Variants in ANKRD30B observed in about 807,000 individuals in gnomAD.
ANKRD30B encodes the protein ankyrin repeat domain-containing protein 30B.
Under a neutral mutation model 202.2 loss-of-function variants are expected in ANKRD30B, and 144 were observed. The observed-to-expected ratio is 0.71, with a 90% confidence interval of 0.62 to 0.82. The LOEUF is 0.82. Among genes scored for constraint, ANKRD30B ranks in the 40% least tolerant of loss-of-function variants. ANKRD30B has a pLI of 0.00. For synonymous variants in ANKRD30B, 508 were observed against 561.3 expected (o/e 0.91, Z 1.34); for missense variants, 1,487 against 1,669.1 (o/e 0.89, Z 1.90).
At chr18:14,910,488 T>C in the ANKRD30B span, among the ~76,000 whole-genome samples, 6 of 149,906 alleles carry the variant, frequency 4.0e-5, no homozygotes, top group Admixed American at 3.3e-4. Flanking sequence ...TGTAAAAATA[T>C]ATATATATAT....
intron 8 of ANKRD30B, 26 bp downstream of exon 8, chr18:14,769,399 G>A (rs756284677): frequency 3.9e-5 from 60 of 1,534,738 alleles, no homozygotes; most frequent in African/African-American, 2.2e-4. Context: ...TTTTTAAAAC[G>A]AATAGGTTAA....
At position 14,809,370 on chromosome 18, in the gene ANKRD30B, C is replaced by T. The variant is rs1475360352; in HGVS notation, c.2387-616C>T. Among the ~76,000 whole-genome samples the T allele has an allele frequency of 6.6e-5, 10 of 150,852 alleles. 1 individual carries two copies. Among genetic ancestry groups the T allele is most frequent in the Admixed American group, 2.0e-4 (3 of 15,208 alleles). ...AGATATTAATCAGCAGTAACAGTTG[C>T]AGCAAAAGCTGGTTAGAAACAATCC... On this transcript the variant is annotated intron_variant, in intron 26 of 43. Coordinates refer to ENST00000690538, the MANE Select transcript of ANKRD30B (RefSeq NM_001367607.2).
the ANKRD30B span, among the ~76,000 whole-genome samples, chr18:14,883,369 G>GTCTGTC: frequency 4.7e-5 from 4 of 84,624 alleles, no homozygotes; most frequent in African/African-American, 2.3e-4. Flanking sequence ...CTGTCTGTCT[G>GTCTGTC]TCTCTCTCTC....
At chr18:14,842,796 C>A in intron 37 of ANKRD30B, 101 bp from the exon 38 acceptor site, 1 of 1,179,760 alleles carries the variant, frequency 8.5e-7, no homozygotes, top group Non-Finnish European at 1.2e-6. Context: ...GAATCATTCT[C>A]AAAGCTGAGA....
intron 9 of ANKRD30B, 104 bp from the exon 10 acceptor site, chr18:14,777,881 G>A (rs1158047292): frequency 1.2e-5 from 9 of 722,738 alleles, no homozygotes; most frequent in Non-Finnish European, 1.9e-5. Flanking sequence ...AGACAGAGGT[G>A]GCAGTAGGCC....
At chr18:14,862,639 T>C in the ANKRD30B span, among the ~76,000 whole-genome samples, 3 of 152,200 alleles carry the variant, frequency 2.0e-5, no homozygotes, top group Non-Finnish European at 2.9e-5. Flanking sequence ...ACTGGGGCAC[T>C]ACCTACAGGA....
the ANKRD30B span, among the ~76,000 whole-genome samples, chr18:14,935,939 T>C: frequency 1.1e-4 from 16 of 152,336 alleles, no homozygotes; most frequent in African/African-American, 3.8e-4. Flanking sequence ...CCTTCAAACT[T>C]GCACTTAAGG....
chr18:14,852,092 C>A lies in ANKRD30B; in HGVS notation c.4148C>A (p.Ala1383Glu). The A allele has an allele frequency of 6.2e-7, 1 of 1,609,472 alleles. No individual in the cohort carries two copies. The highest frequency in any genetic ancestry group is 8.5e-7 in the Non-Finnish European group (1 of 1,177,350). Reference protein sequence around the residue: ...LRENALVSEHAQRDRCETQCQ... With the variant: ...LRENALVSEHEQRDRCETQCQ... ...GAAAATGCATTGGTTTCAGAACATG[C>A]ACAAAGAGACCGATGTGAAACACAG... The change falls in exon 42 of 44, where the codon GCA becomes GAA. Residue 1383 changes from alanine to glutamate, a missense_variant. By Grantham distance (107) the Ala-to-Glu change is moderately radical. Around this residue, in one of 6 missense-constraint regions of ANKRD30B, gnomAD observed 182 missense variants for 216.0 expected, o/e 0.84. Coordinates refer to ENST00000690538, the MANE Select transcript of ANKRD30B (RefSeq NM_001367607.2).
the ANKRD30B span, among the ~76,000 whole-genome samples, chr18:14,879,011 G>GGGCA: frequency 1.3e-5 from 2 of 152,098 alleles, no homozygotes; most frequent in East Asian, 3.9e-4. Context: ...GCACAGACCT[G>GGGCA]GGCAGGCAGG....
chr18:14,937,420 C>T, the ANKRD30B span, among the ~76,000 whole-genome samples: 17 of 124,310 alleles, frequency 1.4e-4, no homozygotes, highest in Admixed American at 5.6e-4. Context: ...CAGCAGGTGC[C>T]GCCGGTTTGT....
the ANKRD30B span, among the ~76,000 whole-genome samples, chr18:14,890,970 CTGTATTT>C: frequency 2.0e-5 from 3 of 151,886 alleles, no homozygotes; most frequent in Non-Finnish European, 2.9e-5. Flanking sequence ...TCCTTAAATC[CTGTATTT>C]TAATGACACA....
At chr18:14,906,080 T>C in the ANKRD30B span, among the ~76,000 whole-genome samples, 1 of 152,068 alleles carries the variant, frequency 6.6e-6, no homozygotes, top group East Asian at 1.9e-4. Context: ...TCAATTCAAG[T>C]CAGCAAATAC....
chr18:14,785,550 T>C (rs1380665100), intron 14 of ANKRD30B, among the ~76,000 whole-genome samples: 6 of 152,226 alleles, frequency 3.9e-5, no homozygotes, highest in Admixed American at 1.3e-4. Flanking sequence ...AAGTAAAATA[T>C]TTAAAATATT....
At chr18:14,920,591 G>T in the ANKRD30B span, among the ~76,000 whole-genome samples, 1 of 152,302 alleles carries the variant, frequency 6.6e-6, no homozygotes, top group African/African-American at 2.4e-5. Context: ...CAAAGTCTGG[G>T]TGTCCCTGGA....
the ANKRD30B span, among the ~76,000 whole-genome samples, chr18:14,876,039 G>A: frequency 1.3e-5 from 2 of 152,128 alleles, no homozygotes; most frequent in African/African-American, 4.8e-5. Context: ...TCAAGTCAGA[G>A]CAAGCCAAGT....
intron 24 of ANKRD30B, chr18:14,808,224 T>A (rs1375051433): frequency 5.8e-5 from 20 of 345,680 alleles, no homozygotes; most frequent in Non-Finnish European, 2.8e-5. Context: ...TTGGTCATCT[T>A]AATAAATTCA....
At chr18:14,770,574 C>A (rs1292225842) in intron 8 of ANKRD30B, among the ~76,000 whole-genome samples, 2 of 151,920 alleles carry the variant, frequency 1.3e-5, no homozygotes, top group Non-Finnish European at 2.9e-5. Context: ...CAGGGAAAGG[C>A]CAAGTTTGAA....
chr18:14,810,911 G>T (rs1416413394), intron 28 of ANKRD30B, among the ~76,000 whole-genome samples: 1 of 151,078 alleles, frequency 6.6e-6, no homozygotes, highest in Non-Finnish European at 1.5e-5. Flanking sequence ...GTCAGGAGTC[G>T]CAGACGAGCC....
At chr18:14,926,141 C>T in the ANKRD30B span, among the ~76,000 whole-genome samples, 4 of 152,120 alleles carry the variant, frequency 2.6e-5, no homozygotes, top group Admixed American at 2.0e-4. Context: ...GTGATCTCTG[C>T]GGCAGTTGGA....
Sources: allele counts gnomAD v4.1 joint callset (sites outside exome capture counted in the v4.1 genomes callset), GRCh38; gene constraint gnomAD v4.1.1; regional missense constraint gnomAD v4.1.1; transcripts MANE v1.5; gene names NCBI Gene and HGNC (gene_info 2026-07-23, HGNC 2026-07-21).